LONRF1: variants seen among roughly 807,000 people sequenced by gnomAD.
LONRF1 encodes LON peptidase N-terminal domain and RING finger protein 1.
In LONRF1, 37 loss-of-function variants were observed where a neutral mutation model predicts 85.8. The ratio of observed to expected loss-of-function variants is 0.43; its 90% CI spans 0.33 to 0.57. LONRF1 has a LOEUF of 0.57. LONRF1 is among the 20% of genes least tolerant of loss of function. LONRF1 has a pLI of 0.04. For synonymous variants in LONRF1, 517 were observed against 390.1 expected (o/e 1.33, Z -3.83); for missense variants, 1,036 against 978.0 (o/e 1.06, Z -0.79).
In LONRF1 at chr8:12,754,843, G is replaced by A; in HGVS notation, c.578C>T (p.Thr193Ile). ...AAAIAASDFR[T>I]SVVLNHLAEK... ...GGCCAGGTGGTTGAGGACGACGCTG[G>A]TTCTGAAGTCTGAAGCGGCGATGGC... The change falls in exon 1 of 12, where the codon ACC becomes ATC. Residue 193 changes from threonine (T) to isoleucine (I), a missense_variant. Transcript: ENST00000398246. The A allele has an allele frequency of 6.7e-7, 1 of 1,494,212 alleles. No individual in the cohort carries two copies. The highest frequency in any genetic ancestry group is 8.9e-7 in the Non-Finnish European group (1 of 1,126,994). 92.6% of individuals were successfully genotyped at this position (1,494,212 alleles called of 1,614,324 possible). A position where few individuals can be genotyped will look rare whatever the true frequency, so the allele number is the denominator to read the frequency against.
intron 4 of LONRF1, chr8:12,737,437 C>T: frequency 3.8e-6 from 2 of 530,670 alleles, no homozygotes; most frequent in Non-Finnish European, 7.0e-6. Flanking sequence ...CTAGACAATA[C>T]AGTATAACAA....
intron 1 of LONRF1, among the ~76,000 whole-genome samples, chr8:12,748,830 C>T (rs530651725): frequency 2.4e-3 from 307 of 129,038 alleles, no homozygotes; most frequent in Middle Eastern, 4.6e-3. Flanking sequence ...GCTTCTATTG[C>T]TTCATTATGT....
chr8:12,725,682 G>T, intron 11 of LONRF1, 45 bp downstream of exon 11: 2 of 1,580,406 alleles, frequency 1.3e-6, no homozygotes, highest in Non-Finnish European at 1.7e-6. Context: ...GCAAATTTGG[G>T]TTTATAAAAA....
At chr8:12,736,658 C>T (rs1215800476) in intron 6 of LONRF1, 43 bp downstream of exon 6, 2 of 1,276,716 alleles carry the variant, frequency 1.6e-6, no homozygotes, top group East Asian at 2.3e-5. Flanking sequence ...TTTATGTATA[C>T]TAACATAAAA....
At chr8:12,750,716 G>C (rs1284675788) in intron 1 of LONRF1, among the ~76,000 whole-genome samples, 1 of 152,102 alleles carries the variant, frequency 6.6e-6, no homozygotes, top group Admixed American at 6.5e-5. Flanking sequence ...GATAGCTAAA[G>C]CTTTTAAGTA....
In LONRF1 at chr8:12,723,195, T is replaced by A; in HGVS notation, c.2223A>T (p.Pro741=). The change falls in exon 12 of 12, where the codon CCA becomes CCT. Residue 741 remains proline (P), a synonymous_variant. Transcript: ENST00000398246. ...WWLLAVLPVD[P]RYQLSVLSMK... is the part of the protein sequence containing the mutation. Reference sequence around the variant, plus strand: ...TTGACAAAACCGACAGCTGGTATCGTGGGTCTACAGGGAGAACTGCAAGAA... The same window carrying A: ...TTGACAAAACCGACAGCTGGTATCGAGGGTCTACAGGGAGAACTGCAAGAA... The A allele has an allele frequency of 1.2e-6, 2 of 1,614,166 alleles. No homozygotes were observed. The highest frequency in any genetic ancestry group is 1.1e-5 in the South Asian group (1 of 91,082).
intron 1 of LONRF1, among the ~76,000 whole-genome samples, chr8:12,748,298 A>G (rs1799245767): frequency 6.6e-6 from 1 of 152,058 alleles, no homozygotes; most frequent in Admixed American, 6.6e-5. Context: ...TCGACCTCCT[A>G]TGCTCAATAG....
intron 1 of LONRF1, among the ~76,000 whole-genome samples, chr8:12,748,624 C>G (rs1041667515): frequency 3.9e-5 from 6 of 152,118 alleles, no homozygotes; most frequent in Admixed American, 3.9e-4. Flanking sequence ...TTAAAAATAG[C>G]ATCGTAATTT....
chr8:12,737,620 C>T (rs1268317961), intron 4 of LONRF1, among the ~76,000 whole-genome samples: 4 of 151,970 alleles, frequency 2.6e-5, no homozygotes, highest in African/African-American at 9.7e-5. Flanking sequence ...AACCAATCTC[C>T]CACAGATACA....
At chr8:12,724,194 G>A (rs543390624) in intron 11 of LONRF1, among the ~76,000 whole-genome samples, 1 of 152,258 alleles carries the variant, frequency 6.6e-6, no homozygotes, top group South Asian at 2.1e-4. Flanking sequence ...CTGCCATAGG[G>A]TTCCAGGTTA....
At position 12,754,669 on chromosome 8, in the gene LONRF1, G is replaced by A. The variant is rs554117991; in HGVS notation, c.721+31C>T. ...CCTCGGGGCCAGGAGGGTGCGGTCGGCCCGGCCCCGCCGCATCCCCGCGCG... is the reference window on the plus strand; with the variant it reads ...CCTCGGGGCCAGGAGGGTGCGGTCGACCCGGCCCCGCCGCATCCCCGCGCG... On this transcript the variant is annotated intron_variant, in intron 1 of 11. Transcript: ENST00000398246. 607 of 1,318,196 alleles carry A rather than the reference G, an allele frequency of 4.6e-4. 4 individuals are homozygous for A. In the African/African-American group the frequency reaches 8.9e-3, roughly 19 times the overall value. 81.7% of individuals were successfully genotyped at this position (1,318,196 alleles called of 1,614,324 possible). A position where few individuals can be genotyped will look rare whatever the true frequency, so the allele number is the denominator to read the frequency against.
At chr8:12,724,412 C>T (rs182394096) in intron 11 of LONRF1, among the ~76,000 whole-genome samples, 317 of 152,340 alleles carry the variant, frequency 2.1e-3, no homozygotes, top group Middle Eastern at 3.4e-3. Context: ...TTCAGAAGCA[C>T]GCTGTTGGCT....
intron 1 of LONRF1, among the ~76,000 whole-genome samples, chr8:12,750,951 A>G (rs960399166): frequency 3.9e-5 from 6 of 152,226 alleles, no homozygotes; most frequent in African/African-American, 1.4e-4. Flanking sequence ...GGCACTATTT[A>G]AAGCACTTAG....
intron 1 of LONRF1, among the ~76,000 whole-genome samples, chr8:12,749,355 A>C (rs1294002293): frequency 6.6e-6 from 1 of 152,196 alleles, no homozygotes; most frequent in African/African-American, 2.4e-5. Context: ...TACCAAAGGG[A>C]AAGAAAAAAC....
intron 10 of LONRF1, 185 bp from the exon 11 acceptor site, chr8:12,726,064 C>T: frequency 2.0e-6 from 1 of 509,642 alleles, no homozygotes; most frequent in African/African-American, 1.9e-5. Context: ...GCTGACCAGA[C>T]TAAAGAAAGA....
intron 4 of LONRF1, among the ~76,000 whole-genome samples, chr8:12,737,615 A>T (rs189022977): frequency 4.6e-5 from 7 of 152,154 alleles, no homozygotes; most frequent in African/African-American, 1.7e-4. Flanking sequence ...CCTGGAACCA[A>T]TCTCCCACAG....
chr8:12,746,631 G>T lies in LONRF1; in HGVS notation c.722-3349C>A, dbSNP rs901784071. On this transcript the variant is annotated intron_variant, in intron 1 of 11. Coordinates refer to ENST00000398246, the MANE Select transcript of LONRF1 (RefSeq NM_152271.5). The stretch of plus-strand genomic sequence containing the variant: ...ATTTCCTTAGCTTTAATATTCCGGG[G>T]CTTTTAAAACATTATTAACACCACT... 4.6e-5 allele frequency among the ~76,000 whole-genome samples: 7 copies of T among 152,158 alleles called. No individual in the cohort carries two copies. The South Asian group carries it at 8.3e-4, about 18-fold the overall frequency.
At chr8:12,725,615 G>T in intron 11 of LONRF1, 112 bp downstream of exon 11, 3 of 1,032,400 alleles carry the variant, frequency 2.9e-6, no homozygotes, top group Non-Finnish European at 4.3e-6. Flanking sequence ...CGGGGGAGGG[G>T]ACAGTCAAAG....
At chr8:12,743,329 T>C in intron 1 of LONRF1, 47 bp from the exon 2 acceptor site, 1 of 1,082,354 alleles carries the variant, frequency 9.2e-7, no homozygotes, top group South Asian at 1.4e-5. Context: ...AAAAGATTAT[T>C]ACATAATCTA....
Sources: allele counts gnomAD v4.1 joint callset (sites outside exome capture counted in the v4.1 genomes callset), GRCh38; gene constraint gnomAD v4.1.1; transcripts MANE v1.5; gene names NCBI Gene and HGNC (gene_info 2026-07-23, HGNC 2026-07-21).